Variants in BCAT2 observed in about 807,000 individuals in gnomAD.
BCAT2 encodes branched-chain-amino-acid aminotransferase, mitochondrial.
In BCAT2, 44 loss-of-function variants were observed where a neutral mutation model predicts 52.9. That is an observed-to-expected ratio of 0.83 (90% CI 0.65 to 1.07). The LOEUF is 1.07. Among genes scored for constraint, BCAT2 ranks in the 50% least tolerant of loss-of-function variants. BCAT2 has a pLI of 0.00. For synonymous variants in BCAT2, 215 were observed against 217.1 expected, an observed-to-expected ratio of 0.99 and a Z score of 0.08; for missense variants, 478 against 521.8, an observed-to-expected ratio of 0.92 and a Z score of 0.82.
intron 3 of BCAT2, among the ~76,000 whole-genome samples, chr19:48,801,501 C>G (rs1316238882): frequency 4.0e-5 from 6 of 151,866 alleles, no homozygotes; most frequent in Admixed American, 2.0e-4. Flanking sequence ...AGAAAAACTA[C>G]GTTGAATCTC....
intron 3 of BCAT2, among the ~76,000 whole-genome samples, chr19:48,802,785 C>T (rs2122677278): frequency 6.6e-6 from 1 of 152,152 alleles, no homozygotes; most frequent in African/African-American, 2.4e-5. Context: ...TTATAATAGA[C>T]TGGAAACAAC....
rs1205645570 is a variant in BCAT2 at position 48,797,324 on chromosome 19, C to G, written c.705G>C (p.Gly235=). The G allele has an allele frequency of 3.1e-6, 5 of 1,613,910 alleles. No homozygotes were observed. In the Admixed American group the frequency reaches 5.0e-5, roughly 16 times the overall value. The part of the protein sequence containing the change: ...VGNYKLGGNY[G]PTVLVQQEAL... ...CCTCCTGTTGCACTAACACGGTGGG[C>G]CCATAATTCCTGGTGGAGGGCAGTC... The change falls in exon 7 of 11, where the codon GGG becomes GGC. Residue 235 remains glycine, a synonymous_variant. Coordinates refer to ENST00000316273, the MANE Select transcript of BCAT2 (RefSeq NM_001190.4).
chr19:48,795,899 G>C (rs2034498654), intron 10 of BCAT2: 1 of 258,980 alleles, frequency 3.9e-6, no homozygotes, highest in Admixed American at 5.0e-5. Flanking sequence ...TGGTGCCAGA[G>C]AGGGGCCAAG....
Position 48,795,399 on chromosome 19 carries a change from G to A in BCAT2, c.*27C>T. The A allele has an allele frequency of 6.2e-7, 1 of 1,613,778 alleles. No individual in the cohort carries two copies. Among genetic ancestry groups the A allele is most frequent in the South Asian group, 1.1e-5 (1 of 91,042 alleles). On this transcript the variant is annotated 3_prime_UTR_variant, in exon 11 of 11. Coordinates refer to ENST00000316273, the MANE Select transcript of BCAT2 (RefSeq NM_001190.4). ...CTGGCGTGACGAGATGCTACGGGTC[G>A]GTGGATCTGGAGCACAGCCTGCAGC... is the stretch of plus-strand genomic sequence containing the variant.
chr19:48,808,644 A>G (rs1327756480), intron 1 of BCAT2, among the ~76,000 whole-genome samples: 1 of 151,952 alleles, frequency 6.6e-6, no homozygotes, highest in East Asian at 1.9e-4. Flanking sequence ...AGTCCCAGCA[A>G]CTTGGGAAGC....
intron 3 of BCAT2, among the ~76,000 whole-genome samples, chr19:48,802,143 G>T (rs2034670620): frequency 6.6e-6 from 1 of 152,098 alleles, no homozygotes; most frequent in Admixed American, 6.6e-5. Context: ...CTCGTGAGAA[G>T]ATAGTCAATT....
At chr19:48,804,166 T>TAAATAAAC (rs564835220) in intron 3 of BCAT2, among the ~76,000 whole-genome samples, 108 of 151,460 alleles carry the variant, frequency 7.1e-4, no homozygotes, top group South Asian at 8.4e-4. Context: ...CATAAATAAA[T>TAAATAAAC]AAACAAACAA....
At chr19:48,810,705 C>T in intron 1 of BCAT2, 1 of 827,706 alleles carries the variant, frequency 1.2e-6, no homozygotes, top group Non-Finnish European at 1.6e-6. Context: ...CCCCACGCCT[C>T]CCTCATTACA....
chr19:48,810,156 C>T (rs920885600), intron 1 of BCAT2, among the ~76,000 whole-genome samples: 3 of 152,188 alleles, frequency 2.0e-5, no homozygotes, highest in Admixed American at 6.6e-5. Context: ...CTATCAGTCA[C>T]TAAGAGCCGA....
At position 48,806,664 on chromosome 19, in the gene BCAT2, G is replaced by A. The variant is rs775856674; in HGVS notation, c.153C>T (p.Pro51=). The change falls in exon 3 of 11, where the codon CCC becomes CCT. Residue 51 remains proline (P), a synonymous_variant. Coordinates refer to ENST00000316273, the MANE Select transcript of BCAT2 (RefSeq NM_001190.4). Reference sequence around the variant, plus strand: ...TCTTCCCAAACACCAGGGGCTCGCCGGGGCCAGGCTTCTTATGAGGCTTCT... The same window carrying A: ...TCTTCCCAAACACCAGGGGCTCGCCAGGGCCAGGCTTCTTATGAGGCTTCT... ...MTQKPHKKPG[P]GEPLVFGKTF... is the part of the protein sequence containing the mutation. The A allele has an allele frequency of 2.7e-5, 43 of 1,613,906 alleles. No individual in the cohort carries two copies. The highest frequency in any genetic ancestry group is 8.8e-5 in the South Asian group (8 of 91,090).
chr19:48,807,254 A>T lies in BCAT2; in HGVS notation c.25-180T>A. On this transcript the variant is annotated intron_variant, in intron 1 of 10. Transcript: ENST00000316273. This position sits in a 1 kb window ranked among gnomAD's most constrained non-coding sequence, Gnocchi z 4.6. ...GCCAAGTCCCCTCCCTGCCCTGACG[A>T]GGGCTCGCTGGAAAGAGCTGAGTCA... 3.6e-6 allele frequency: 2 copies of T among 549,340 alleles called. No individual in the cohort carries two copies. Among genetic ancestry groups the T allele is most frequent in the Non-Finnish European group, 3.2e-6 (1 of 312,464 alleles). 34.0% of individuals were successfully genotyped at this position (549,340 alleles called of 1,614,324 possible).
intron 1 of BCAT2, 156 bp downstream of exon 1, chr19:48,810,828 C>G (rs1230462929): frequency 2.7e-6 from 4 of 1,489,806 alleles, no homozygotes; most frequent in East Asian, 2.7e-5. Context: ...GCCTCGTGCT[C>G]CTTTCCAAAG....
chr19:48,810,993 A>C lies in BCAT2; in HGVS notation c.15T>G (p.Ala5=). Residue 5 remains alanine (A), a synonymous_variant, in exon 1 of 11, where the codon GCT becomes GCG. Coordinates refer to ENST00000316273, the MANE Select transcript of BCAT2 (RefSeq NM_001190.4). The part of the protein sequence containing the change: MAAA[A]LGQIWARKLL... ...GGGGCTGCGAACCCACCTGCCCCAG[A>C]GCGGCTGCGGCCATGATCCGTGCGG... The C allele has an allele frequency of 6.2e-7, 1 of 1,608,232 alleles. No individual in the cohort carries two copies. Among genetic ancestry groups the C allele is most frequent in the Non-Finnish European group, 8.5e-7 (1 of 1,178,142 alleles).
At chr19:48,810,847 C>T (rs921286854) in intron 1 of BCAT2, 137 bp downstream of exon 1, 4 of 1,513,350 alleles carry the variant, frequency 2.6e-6, no homozygotes, top group Non-Finnish European at 3.5e-6. Flanking sequence ...AGGGCGCCAT[C>T]CTCCTCCGCG....
chr19:48,807,878 C>A lies in BCAT2; in HGVS notation c.25-804G>T. 1.0e-6 allele frequency: 1 copy of A among 985,700 alleles called. No homozygotes were observed. Among genetic ancestry groups the A allele is most frequent in the Non-Finnish European group, 1.2e-6 (1 of 830,114 alleles). The allele number at this position is 985,700 out of a possible 1,614,324, so 61.1% of individuals were successfully genotyped here. A position where few individuals can be genotyped will look rare whatever the true frequency, so the allele number is the denominator to read the frequency against. ...CTGCATGAGGCTCAGGCGGGTCCTCCCAGAGGGGAGTAGGAAGAGCAGGTC... is the reference window on the plus strand; with the variant it reads ...CTGCATGAGGCTCAGGCGGGTCCTCACAGAGGGGAGTAGGAAGAGCAGGTC... On this transcript the variant is annotated intron_variant, in intron 1 of 10. Coordinates refer to ENST00000316273, the MANE Select transcript of BCAT2 (RefSeq NM_001190.4). This position sits in a 1 kb window ranked among gnomAD's most constrained non-coding sequence, Gnocchi z 4.6.
intron 3 of BCAT2, 106 bp from the exon 4 acceptor site, chr19:48,800,403 T>C: frequency 2.9e-6 from 3 of 1,031,612 alleles, no homozygotes; most frequent in Non-Finnish European, 4.3e-6. Flanking sequence ...AACTGAAAGA[T>C]GGAGGCCAAG....
chr19:48,795,496 G>A, intron 10 of BCAT2, 32 bp from the exon 11 acceptor site: 1 of 1,612,500 alleles, frequency 6.2e-7, no homozygotes, highest in South Asian at 1.1e-5. Flanking sequence ...GCGTGAGGTG[G>A]AAGCTGCACT....
chr19:48,797,426 C>G, intron 6 of BCAT2, 93 bp from the exon 7 acceptor site: 9 of 1,484,124 alleles, frequency 6.1e-6, no homozygotes, highest in Non-Finnish European at 8.3e-6. Context: ...TCTCCCGTCT[C>G]CCTGCTCACA....
At position 48,797,211 on chromosome 19, in the gene BCAT2, T is replaced by C. The variant is rs776327463; in HGVS notation, c.818A>G (p.Tyr273Cys). 26 of 1,613,822 alleles carry C rather than the reference T, an allele frequency of 1.6e-5. No homozygotes were observed. In the South Asian group the frequency reaches 2.0e-4, roughly 12 times the overall value. Residue 273 changes from tyrosine (Y) to cysteine (C), a missense_variant, in exon 7 of 11, where the codon TAC (tyrosine) becomes TGC (cysteine). By Grantham distance (194) the Tyr-to-Cys change is radical (BLOSUM62 -2). Coordinates refer to ENST00000316273, the MANE Select transcript of BCAT2 (RefSeq NM_001190.4). ...CTTACCCCCATCTTCGTGGGTCCAG[T>C]AGACAAAGATGTTCATGGTTCCCAC... ...TEVGTMNIFV[Y>C]WTHEDGVLEL... is the part of the protein sequence containing the mutation.
Sources: gnomAD v4.1 joint callset for allele counts (sites outside exome capture counted in the v4.1 genomes callset) on GRCh38, gnomAD v4.1.1 for gene constraint, Gnocchi (gnomAD v3.1) non-coding constraint, MANE v1.5 for transcripts, NCBI Gene and HGNC (gene_info 2026-07-23, HGNC 2026-07-21) for gene names.